The following NRG1 variants were observed in gnomAD, a reference collection of about 807,000 sequenced individuals.
NRG1 encodes neuregulin 1.
NRG1 carries 18 observed loss-of-function variants against 63.8 expected under a neutral mutation model. The observed-to-expected ratio is 0.28, with a 90% CI of 0.19 to 0.42. NRG1 has a LOEUF of 0.42. Among genes scored for constraint, NRG1 ranks in the 10% least tolerant of loss-of-function variants. The pLI, the probability that NRG1 is intolerant of heterozygous loss-of-function variation, is 1.00. For missense variants in NRG1, 762 were observed against 814.7 expected, an observed-to-expected ratio of 0.94 and a Z score of 0.79; for synonymous variants, 302 against 301.3, an observed-to-expected ratio of 1.00 and a Z score of -0.02.
intron 1 of NRG1, among the ~76,000 whole-genome samples, chr8:32,462,078 T>C (rs571104290): frequency 1.3e-5 from 2 of 152,334 alleles, no homozygotes; most frequent in Admixed American, 1.3e-4. Context: ...GATGAATCTC[T>C]AAATTTACCT....
At chr8:32,494,814 G>A (rs184480799) in intron 1 of NRG1, among the ~76,000 whole-genome samples, 2 of 151,960 alleles carry the variant, frequency 1.3e-5, no homozygotes, top group African/African-American at 4.8e-5. Flanking sequence ...TGTGCATCCA[G>A]CCTCATTGTC....
At chr8:32,747,162 A>C (rs978205801) in intron 7 of NRG1, among the ~76,000 whole-genome samples, 1 of 152,170 alleles carries the variant, frequency 6.6e-6, no homozygotes, top group Non-Finnish European at 1.5e-5. Context: ...TGGGCATGCT[A>C]CTAATTTTAT....
intron 1 of NRG1, among the ~76,000 whole-genome samples, chr8:32,407,090 C>T (rs1313913399): frequency 6.6e-6 from 1 of 151,660 alleles, no homozygotes; most frequent in Non-Finnish European, 1.5e-5. Flanking sequence ...GTTTCCTCAT[C>T]TGTAATATTA....
chr8:32,300,080 T>G (rs888479443), intron 1 of NRG1, among the ~76,000 whole-genome samples: 4 of 152,138 alleles, frequency 2.6e-5, no homozygotes, highest in South Asian at 2.1e-4. Context: ...ATACCTCACA[T>G]GACTTCATTG....
At chr8:32,360,173 A>G (rs1005161661) in intron 1 of NRG1, among the ~76,000 whole-genome samples, 5 of 152,168 alleles carry the variant, frequency 3.3e-5, no homozygotes, top group African/African-American at 1.2e-4. Flanking sequence ...CAGAATCCCC[A>G]TGTTTCCAGG....
intron 11 of NRG1, 156 bp downstream of exon 11, chr8:32,760,562 T>C (rs1167500737): frequency 6.9e-7 from 1 of 1,441,942 alleles, no homozygotes; most frequent in Non-Finnish European, 9.1e-7. Context: ...GTCATCTCTT[T>C]GTTTGACGGA....
intron 1 of NRG1, among the ~76,000 whole-genome samples, chr8:31,870,366 A>G (rs986266971): frequency 2.0e-5 from 3 of 152,214 alleles, no homozygotes; most frequent in African/African-American, 7.2e-5. Flanking sequence ...TACAAAATAG[A>G]AAGATATAAA....
chr8:32,019,487 G>T (rs1052156704), intron 1 of NRG1, among the ~76,000 whole-genome samples: 1 of 152,140 alleles, frequency 6.6e-6, no homozygotes, highest in East Asian at 1.9e-4. Context: ...TCTATGGCTT[G>T]CCTATTCACT....
chr8:31,716,417 A>G (rs1394263451), intron 1 of NRG1, among the ~76,000 whole-genome samples: 1 of 152,218 alleles, frequency 6.6e-6, no homozygotes, highest in Non-Finnish European at 1.5e-5. Flanking sequence ...TTCCTTCAGA[A>G]GCGCATCTTT....
At chr8:32,305,890 C>T (rs1856138052) in intron 1 of NRG1, among the ~76,000 whole-genome samples, 1 of 152,158 alleles carries the variant, frequency 6.6e-6, no homozygotes, top group South Asian at 2.1e-4. Flanking sequence ...AATCATGAGG[C>T]AGTCTTTGGT....
At chr8:32,655,414 C>T (rs915658638) in intron 5 of NRG1, among the ~76,000 whole-genome samples, 1 of 152,176 alleles carries the variant, frequency 6.6e-6, no homozygotes. Flanking sequence ...GGGATGTTAA[C>T]ATCTAAAACT....
chr8:32,026,038 A>G (rs1490888357), intron 1 of NRG1, among the ~76,000 whole-genome samples: 1 of 149,538 alleles, frequency 6.7e-6, no homozygotes, highest in Non-Finnish European at 1.5e-5. Flanking sequence ...TTAGGTTTAC[A>G]TTTACTAAGT....
At chr8:32,453,960 G>A (rs1821295844) in intron 1 of NRG1, among the ~76,000 whole-genome samples, 1 of 152,082 alleles carries the variant, frequency 6.6e-6, no homozygotes, top group South Asian at 2.1e-4. Context: ...CCATGGTGAG[G>A]CTTTACAAAT....
Position 32,385,186 on chromosome 8 carries a change from A to AT in NRG1, c.38-210631dup, listed in dbSNP as rs147889838. 1.6e-3 allele frequency among the ~76,000 whole-genome samples: 234 copies of AT among 147,472 alleles called. 2 individuals are homozygous for AT. The highest frequency in any genetic ancestry group is 4.2e-3 in the African/African-American group (170 of 40,414). On this transcript the variant is annotated intron_variant, in intron 1 of 10. Coordinates refer to the NRG1 transcript ENST00000519301. ...AGGCGCCCGTCACCATGCCCGGCTAATTTTTTTTTTTCTCTATTTTTAGTA... is the reference window on the plus strand; with the variant it reads ...AGGCGCCCGTCACCATGCCCGGCTAATTTTTTTTTTTTCTCTATTTTTAGTA...
At chr8:32,500,179 C>T (rs772143684) in intron 1 of NRG1, among the ~76,000 whole-genome samples, 23 of 152,126 alleles carry the variant, frequency 1.5e-4, no homozygotes, top group Non-Finnish European at 2.8e-4. Flanking sequence ...TAATTTAGCA[C>T]GTAGGCTTTT....
chr8:31,970,463 C>A (rs975060202), intron 1 of NRG1, among the ~76,000 whole-genome samples: 1 of 152,126 alleles, frequency 6.6e-6, no homozygotes, highest in South Asian at 2.1e-4. Flanking sequence ...ATGGGAGAAG[C>A]AGTTTGGGAA....
intron 1 of NRG1, among the ~76,000 whole-genome samples, chr8:32,151,264 T>C (rs1837470565): frequency 6.6e-6 from 1 of 152,154 alleles, no homozygotes; most frequent in Admixed American, 6.5e-5. Context: ...ATAGAAGTTC[T>C]GGAAAATGTT....
chr8:31,920,143 G>A (rs1028449823), intron 1 of NRG1, among the ~76,000 whole-genome samples: 2 of 151,960 alleles, frequency 1.3e-5, no homozygotes, highest in Non-Finnish European at 2.9e-5. Flanking sequence ...TTGTTGAGGT[G>A]GCATGGAAAG....
intron 1 of NRG1, among the ~76,000 whole-genome samples, chr8:32,090,383 C>T (rs899451717): frequency 6.6e-6 from 1 of 152,086 alleles, no homozygotes; most frequent in East Asian, 1.9e-4. Context: ...TGCAGTGGTG[C>T]GACGTTGGCC....
Sources: allele counts gnomAD v4.1 joint callset (sites outside exome capture counted in the v4.1 genomes callset), GRCh38; gene constraint gnomAD v4.1.1; transcripts MANE v1.5; gene names NCBI Gene and HGNC (gene_info 2026-07-23, HGNC 2026-07-21).